The following GRIK1 variants were observed in gnomAD, a reference collection of about 807,000 sequenced individuals.
The protein encoded by GRIK1 is glutamate receptor ionotropic, kainate 1.
Under a neutral mutation model 105.7 loss-of-function variants are expected in GRIK1, and 69 were observed. The observed-to-expected ratio is 0.65, with a 90% CI of 0.54 to 0.80. GRIK1 has a LOEUF of 0.80. Ranked by LOEUF, GRIK1 falls within the 30% of genes least tolerant of loss-of-function variation. The pLI is 0.00. For missense variants in GRIK1, 1,109 were observed against 1,167.3 expected, an observed-to-expected ratio of 0.95 and a Z score of 0.73; for synonymous variants, 438 against 431.3, an observed-to-expected ratio of 1.02 and a Z score of -0.19.
chr21:29,850,640 T>A (rs1424368923), intron 1 of GRIK1, among the ~76,000 whole-genome samples: 1 of 152,204 alleles, frequency 6.6e-6, no homozygotes, highest in Non-Finnish European at 1.5e-5. Context: ...ACATCTTGTA[T>A]TCTTGGCCTC....
intron 1 of GRIK1, among the ~76,000 whole-genome samples, chr21:29,780,527 G>A (rs1601676762): frequency 6.6e-6 from 1 of 152,096 alleles, no homozygotes; most frequent in African/African-American, 2.4e-5. Flanking sequence ...ACTTAGCTAG[G>A]GTAAACCTGC....
chr21:29,849,626 T>G (rs2068242710), intron 1 of GRIK1, among the ~76,000 whole-genome samples: 1 of 152,234 alleles, frequency 6.6e-6, no homozygotes, highest in Non-Finnish European at 1.5e-5. Context: ...AATGTTCCTC[T>G]TAACCACCAA....
intron 13 of GRIK1, among the ~76,000 whole-genome samples, chr21:29,577,382 T>TATA (rs1412676932): frequency 2.0e-5 from 3 of 152,260 alleles, no homozygotes; most frequent in Non-Finnish European, 4.4e-5. Context: ...TTGCTTTAAC[T>TATA]ATAATTTATC....
chr21:29,663,397 G>C (rs563528136), intron 4 of GRIK1, among the ~76,000 whole-genome samples: 3 of 152,150 alleles, frequency 2.0e-5, no homozygotes, highest in Non-Finnish European at 4.4e-5. Context: ...CTGTATAAAT[G>C]CTGGACTCAG....
chr21:29,846,452 G>GAGAGA (rs1472713302), intron 1 of GRIK1, among the ~76,000 whole-genome samples: 18 of 114,368 alleles, frequency 1.6e-4, no homozygotes, highest in African/African-American at 2.1e-4. Context: ...AAGGAAAGAA[G>GAGAGA]GAAAGAGAGA....
intron 1 of GRIK1, among the ~76,000 whole-genome samples, chr21:29,867,886 A>AGAG (rs1555901571): frequency 2.4e-4 from 31 of 129,030 alleles, no homozygotes; most frequent in Non-Finnish European, 3.9e-4. Context: ...AAGAGAGAGA[A>AGAG]AGAGAGAGAG....
chr21:29,846,336 C>T (rs1488243362), intron 1 of GRIK1, among the ~76,000 whole-genome samples: 3 of 143,828 alleles, frequency 2.1e-5, no homozygotes, highest in Non-Finnish European at 4.5e-5. Context: ...TGCAGTGAGC[C>T]GAGATCACAC....
intron 1 of GRIK1, among the ~76,000 whole-genome samples, chr21:29,720,537 T>C (rs151064143): frequency 6.6e-6 from 1 of 152,154 alleles, no homozygotes; most frequent in Non-Finnish European, 1.5e-5. Context: ...TATATGTGTG[T>C]ATGTATACAT....
At chr21:29,651,492 T>C (rs981634811) in intron 5 of GRIK1, among the ~76,000 whole-genome samples, 3 of 152,190 alleles carry the variant, frequency 2.0e-5, no homozygotes, top group African/African-American at 7.2e-5. Flanking sequence ...CAATTCATAA[T>C]TTTAAAATTG....
At chr21:29,736,204 T>TATTATG (rs61484653) in intron 1 of GRIK1, among the ~76,000 whole-genome samples, 5,354 of 150,812 alleles carry the variant, frequency 0.036, 210 homozygotes, top group East Asian at 0.1. Flanking sequence ...CTGGTATTGT[T>TATTATG]ATTATGATTA....
At chr21:29,656,385 A>AAAAAAAAAAC (rs2062853141) in intron 4 of GRIK1, among the ~76,000 whole-genome samples, 1 of 144,016 alleles carries the variant, frequency 6.9e-6, no homozygotes, top group Non-Finnish European at 1.5e-5. Flanking sequence ...AAAAAAAAAA[A>AAAAAAAAAAC]AAAAGAAATG....
chr21:29,713,303 A>G (rs1298380852), intron 1 of GRIK1, among the ~76,000 whole-genome samples: 3 of 152,158 alleles, frequency 2.0e-5, no homozygotes, highest in African/African-American at 7.2e-5. Context: ...CATATAATAC[A>G]TTCTCTATTT....
At chr21:29,876,910 A>G (rs554594732) in intron 1 of GRIK1, among the ~76,000 whole-genome samples, 2 of 152,322 alleles carry the variant, frequency 1.3e-5, no homozygotes, top group East Asian at 1.9e-4. Context: ...ATAAATTACA[A>G]TCTACTTAAT....
intron 7 of GRIK1, among the ~76,000 whole-genome samples, chr21:29,612,727 A>T (rs745538106): frequency 6.6e-6 from 1 of 152,240 alleles, no homozygotes; most frequent in Non-Finnish European, 1.5e-5. Flanking sequence ...TAATATAAAC[A>T]GTAAATTAAT....
At chr21:29,807,032 G>T (rs960861075) in intron 1 of GRIK1, among the ~76,000 whole-genome samples, 72 of 152,268 alleles carry the variant, frequency 4.7e-4, no homozygotes, top group Non-Finnish European at 2.8e-4. Flanking sequence ...ACTTGATTCA[G>T]ATACAGGTCT....
At chr21:29,822,532 C>T (rs1206271125) in intron 1 of GRIK1, among the ~76,000 whole-genome samples, 1 of 151,984 alleles carries the variant, frequency 6.6e-6, no homozygotes, top group African/African-American at 2.4e-5. Context: ...TCATCCACAA[C>T]CCCTTGCAAC....
chr21:29,542,948 T>C (rs1432371208), intron 16 of GRIK1, among the ~76,000 whole-genome samples: 1 of 152,210 alleles, frequency 6.6e-6, no homozygotes, highest in Non-Finnish European at 1.5e-5. Context: ...AGAAAGAGGA[T>C]ATTATTGTCA....
intron 1 of GRIK1, among the ~76,000 whole-genome samples, chr21:29,785,561 CAAAAAA>C (rs950219193): frequency 5.2e-5 from 3 of 58,022 alleles, no homozygotes; most frequent in Non-Finnish European, 6.6e-5. Flanking sequence ...GAGACTGTCT[CAAAAAA>C]AAAAAAAAAA....
rs1438057761 is a variant in GRIK1 at position 29,846,463 on chromosome 21, G to GAAAGAAAGAA, written c.118+92919_118+92920insTTCTTTCTTT. ...AAAGAAGGAAAGAAGGAAAGAGAGA[G>GAAAGAAAGAA]AGAAAGAAAGAAAGAAAGAAAGAAA... On this transcript the variant is annotated intron_variant, in intron 1 of 17. Transcript: ENST00000327783. Among the ~76,000 whole-genome samples, 16 of 127,984 alleles carry GAAAGAAAGAA rather than the reference G, an allele frequency of 1.3e-4. No homozygotes were observed. In the East Asian group the frequency reaches 3.1e-3, roughly 25 times the overall value. The allele number at this position is 127,984 out of a possible 152,430, so 84.0% of individuals were successfully genotyped here.
Sources: gnomAD v4.1 joint callset for allele counts (sites outside exome capture counted in the v4.1 genomes callset) on GRCh38, gnomAD v4.1.1 for gene constraint, MANE v1.5 for transcripts, NCBI Gene and HGNC (gene_info 2026-07-23, HGNC 2026-07-21) for gene names.